NCKAP5: variants seen among roughly 807,000 people sequenced by gnomAD.
The protein encoded by NCKAP5 is nck-associated protein 5.
Under a neutral mutation model 167.0 loss-of-function variants are expected in NCKAP5, and 92 were observed. The observed-to-expected ratio is 0.55, with a 90% CI of 0.47 to 0.66. The LOEUF is 0.66. NCKAP5 is among the 30% of genes least tolerant of loss of function. NCKAP5 has a pLI of 0.00. For synonymous variants in NCKAP5, 891 were observed against 877.4 expected (o/e 1.02, Z -0.27); for missense variants, 2,378 against 2,315.0 (o/e 1.03, Z -0.56).
chr2:133,487,232 G>A (rs1372854348), intron 3 of NCKAP5, among the ~76,000 whole-genome samples: 1 of 152,176 alleles, frequency 6.6e-6, no homozygotes, highest in Non-Finnish European at 1.5e-5. Flanking sequence ...AGACACAATG[G>A]AGGGAAAAAT....
intron 6 of NCKAP5, among the ~76,000 whole-genome samples, chr2:133,046,919 C>A (rs1380859964): frequency 6.6e-6 from 1 of 151,920 alleles, no homozygotes; most frequent in Non-Finnish European, 1.5e-5. Context: ...CATCCTTGAA[C>A]CTGCCTTTCC....
intron 11 of NCKAP5, among the ~76,000 whole-genome samples, chr2:132,802,609 G>A (rs1219580808): frequency 6.6e-6 from 1 of 152,126 alleles, no homozygotes; most frequent in Non-Finnish European, 1.5e-5. Flanking sequence ...TAGAGGATTT[G>A]GTGCATGTTT....
intron 3 of NCKAP5, 21 bp downstream of exon 3, chr2:133,517,436 TA>T: frequency 7.2e-7 from 1 of 1,381,392 alleles, no homozygotes. Context: ...TATAGAGTGG[TA>T]AATGAATATT....
In NCKAP5 at chr2:132,673,214, G is replaced by A. The variant is rs773338621; in HGVS notation, c.*75C>T. On this transcript the variant is annotated 3_prime_UTR_variant, in exon 20 of 20. Transcript: ENST00000409261. ...CTTCTCTTTTTCTAATAAAATCACA[G>A]TATTGCTGTTAAATTTATTGAATGA... 54 of 1,452,824 alleles carry A rather than the reference G, an allele frequency of 3.7e-5. No homozygotes were observed. The highest frequency in any genetic ancestry group is 4.6e-5 in the Non-Finnish European group (51 of 1,105,218). The allele number at this position is 1,452,824 out of a possible 1,614,324, so 90.0% of individuals were successfully genotyped here.
At chr2:132,712,475 C>A (rs1688953724) in intron 19 of NCKAP5, among the ~76,000 whole-genome samples, 1 of 152,038 alleles carries the variant, frequency 6.6e-6, no homozygotes, top group Non-Finnish European at 1.5e-5. Flanking sequence ...CACAGTGAAA[C>A]CCCGTCTTTA....
Position 132,825,810 on chromosome 2 carries a change from A to T in NCKAP5, c.808-29081T>A, listed in dbSNP as rs573001559. Among the ~76,000 whole-genome samples, 16 of 152,368 alleles carry T rather than the reference A, an allele frequency of 1.1e-4. No homozygotes were observed. The South Asian group carries it at 3.3e-3, about 32-fold the overall frequency. On this transcript the variant is annotated intron_variant, in intron 11 of 19. Transcript: ENST00000409261. ...ATGGTAACAAAAAATCTTACACAAC[A>T]TACTTATGTGCTAAAAATCACTTAA...
intron 2 of NCKAP5, among the ~76,000 whole-genome samples, chr2:133,521,083 G>A (rs551094608): frequency 2.6e-5 from 4 of 152,288 alleles, no homozygotes; most frequent in Admixed American, 6.5e-5. Context: ...AATATGAAAA[G>A]GAACCTGATT....
intron 3 of NCKAP5, among the ~76,000 whole-genome samples, chr2:133,491,676 T>C (rs1402640211): frequency 3.3e-5 from 5 of 152,152 alleles, no homozygotes; most frequent in African/African-American, 1.2e-4. Context: ...GAGGGAGTTT[T>C]GACAAGACGT....
intron 16 of NCKAP5, among the ~76,000 whole-genome samples, chr2:132,772,236 C>T (rs930330974): frequency 1.3e-5 from 2 of 152,044 alleles, no homozygotes; most frequent in Admixed American, 6.6e-5. Flanking sequence ...ACACATTTCT[C>T]AGGACATATT....
chr2:133,478,250 A>C (rs916097837), intron 3 of NCKAP5, among the ~76,000 whole-genome samples: 2 of 152,222 alleles, frequency 1.3e-5, no homozygotes, highest in African/African-American at 4.8e-5. Context: ...TGACAGCAGC[A>C]GTGACTTTTG....
intron 3 of NCKAP5, among the ~76,000 whole-genome samples, chr2:133,366,500 A>T (rs954799104): frequency 6.6e-6 from 1 of 152,028 alleles, no homozygotes; most frequent in South Asian, 2.1e-4. Context: ...ATGGGGCTTC[A>T]CCATATTGCC....
chr2:132,697,814 G>A (rs964177410), intron 19 of NCKAP5, among the ~76,000 whole-genome samples: 1 of 152,170 alleles, frequency 6.6e-6, no homozygotes, highest in African/African-American at 2.4e-5. Flanking sequence ...AGAAGGGAGA[G>A]TCTTTTTGGT....
chr2:132,996,615 A>G (rs1218589082), intron 6 of NCKAP5, among the ~76,000 whole-genome samples: 1 of 152,204 alleles, frequency 6.6e-6, no homozygotes, highest in Non-Finnish European at 1.5e-5. Context: ...CTTCACTTTA[A>G]TGCTCAAATA....
intron 3 of NCKAP5, among the ~76,000 whole-genome samples, chr2:133,441,718 C>T (rs2151165434): frequency 6.6e-6 from 1 of 152,324 alleles, no homozygotes; most frequent in Middle Eastern, 3.4e-3. Context: ...CTAGCAACCA[C>T]CATTCCACAT....
At chr2:132,970,722 AC>A (rs1382075626) in intron 7 of NCKAP5, among the ~76,000 whole-genome samples, 1 of 152,132 alleles carries the variant, frequency 6.6e-6, no homozygotes, top group East Asian at 1.9e-4. Context: ...CAGAGCACTC[AC>A]CTTTTGTTCT....
At position 132,782,781 on chromosome 2, in the gene NCKAP5, G is replaced by A. The variant is rs754345640; in HGVS notation, c.4030C>T (p.His1344Tyr). The A allele has an allele frequency of 8.1e-6, 13 of 1,613,844 alleles. No individual in the cohort carries two copies. The highest frequency in any genetic ancestry group is 1.1e-5 in the Non-Finnish European group (13 of 1,179,792). Residue 1344 changes from histidine (H) to tyrosine (Y), a missense_variant, in exon 14 of 20, where the codon CAC becomes TAC. By Grantham distance (83) the His-to-Tyr change is moderately conservative. This residue lies in a region of NCKAP5 where 1,325 missense variants were observed against 1,274.5 expected (regional missense o/e 1.04). Coordinates refer to ENST00000409261, the MANE Select transcript of NCKAP5 (RefSeq NM_207363.3). ...AGGGAGCCCTTCCCGGAGGAGGGGT[G>A]CCCCGAGGGCCTCCCAACACTGGGG... ...SLPSVGRPSG[H>Y]PSSGKGSLGS...
chr2:133,649,900 G>A, the NCKAP5 span, among the ~76,000 whole-genome samples: 14 of 151,964 alleles, frequency 9.2e-5, no homozygotes, highest in African/African-American at 3.4e-4. Flanking sequence ...AATTAGAAAG[G>A]AAGAAGTAAA....
intron 12 of NCKAP5, among the ~76,000 whole-genome samples, chr2:132,794,868 G>A (rs998401783): frequency 6.6e-5 from 10 of 152,096 alleles, no homozygotes; most frequent in Non-Finnish European, 1.2e-4. Context: ...TGAGCTTCTG[G>A]CTTCTGGAGA....
At chr2:133,521,953 C>T (rs1322370286) in intron 2 of NCKAP5, among the ~76,000 whole-genome samples, 1 of 152,152 alleles carries the variant, frequency 6.6e-6, no homozygotes, top group African/African-American at 2.4e-5. Flanking sequence ...GACTCCACAC[C>T]TCTCTGCTTG....
Sources: gnomAD v4.1 joint callset for allele counts (sites outside exome capture counted in the v4.1 genomes callset) on GRCh38, gnomAD v4.1.1 for gene constraint, gnomAD v4.1.1 regional missense constraint, MANE v1.5 for transcripts, NCBI Gene and HGNC (gene_info 2026-07-23, HGNC 2026-07-21) for gene names.